TRIP11: variants seen among roughly 807,000 people sequenced by gnomAD.
The protein encoded by TRIP11 is thyroid receptor-interacting protein 11.
In TRIP11, 148 loss-of-function variants were observed where a neutral mutation model predicts 223.1. The ratio of observed to expected loss-of-function variants is 0.66; its 90% CI spans 0.58 to 0.76. The LOEUF (loss-of-function observed/expected upper bound fraction) is 0.76, where lower values mean the gene tolerates loss of function less well. Among genes scored for constraint, TRIP11 ranks in the 30% least tolerant of loss-of-function variants. TRIP11 has a pLI of 0.00. For missense variants in TRIP11, 2,043 were observed against 2,222.0 expected, an observed-to-expected ratio of 0.92 and a Z score of 1.62; for synonymous variants, 762 against 772.6, an observed-to-expected ratio of 0.99 and a Z score of 0.23.
At position 92,021,506 on chromosome 14, in the gene TRIP11, C is replaced by G. The variant is rs377187649; in HGVS notation, c.588+50G>C. ...TCTACATACAGTTTTTTATATTACA[C>G]CAGTAATTTTACTCAAAGTTTTCAA... is the stretch of plus-strand genomic sequence containing the variant. On this transcript the variant is annotated intron_variant, in intron 4 of 20. Coordinates refer to ENST00000267622, the MANE Select transcript of TRIP11 (RefSeq NM_004239.4). 112 of 1,588,430 alleles carry G rather than the reference C, an allele frequency of 7.1e-5. No homozygotes were observed. The African/African-American group carries it at 1.3e-3, about 18-fold the overall frequency.
chr14:92,004,585 C>T lies in TRIP11; in HGVS notation c.3391G>A (p.Ala1131Thr), dbSNP rs1299018959. 4 of 1,613,896 alleles carry T rather than the reference C, an allele frequency of 2.5e-6. No individual in the cohort carries two copies. The highest frequency in any genetic ancestry group is 2.7e-5 in the African/African-American group (2 of 74,944). The change falls in exon 11 of 21, where the codon GCA (alanine) becomes ACA (threonine). Residue 1131 changes from alanine (A) to threonine (T), a missense_variant. Physicochemically the swap from Ala to Thr is moderately conservative, Grantham distance 58. Transcript: ENST00000267622. The stretch of plus-strand genomic sequence containing the variant: ...TCATCTTGCAGTTTGATAAGAGCTG[C>T]TTCCTTGGCAGCAACAATATCCATC... The part of the protein sequence containing the change: ...KMMDIVAAKE[A>T]ALIKLQDENK...
rs1210483172 is a variant in TRIP11 at position 92,003,518 on chromosome 14, G to A, written c.4458C>T (p.Asn1486=). ...ETEYQALQET[N]MKFSMMLREK... is the part of the protein sequence containing the mutation. ...CTCGCAGCATCATAGAAAACTTCAT[G>A]TTAGTCTCTTGTAACGCTTGATATT... Residue 1486 remains asparagine, a synonymous_variant, in exon 11 of 21, where the codon AAC becomes AAT. Coordinates refer to ENST00000267622, the MANE Select transcript of TRIP11 (RefSeq NM_004239.4). The A allele has an allele frequency of 2.5e-6, 4 of 1,613,954 alleles. No homozygotes were observed. Among genetic ancestry groups the A allele is most frequent in the Non-Finnish European group, 2.5e-6 (3 of 1,180,000 alleles).
chr14:92,039,024 A>G (rs1434839860), intron 1 of TRIP11, among the ~76,000 whole-genome samples: 2 of 152,242 alleles, frequency 1.3e-5, no homozygotes, highest in African/African-American at 4.8e-5. Flanking sequence ...GCTATAATGT[A>G]TCATCACAAT....
rs139051961 is a variant in TRIP11 at position 92,001,556 on chromosome 14, A to C, written c.4558-1448T>G. Among the ~76,000 whole-genome samples, 965 of 152,320 alleles carry C rather than the reference A, an allele frequency of 6.3e-3. 10 individuals are homozygous for C. Among genetic ancestry groups the C allele is most frequent in the African/African-American group, 0.022 (903 of 41,554 alleles). ...AGAGTATTGGAAGAAATTAGTTTAC[A>C]CTAATTACCCTCAAGTAATACAATA... On this transcript the variant is annotated intron_variant, in intron 11 of 20. Coordinates refer to ENST00000267622, the MANE Select transcript of TRIP11 (RefSeq NM_004239.4).
intron 2 of TRIP11, chr14:92,026,537 C>T: frequency 1.6e-6 from 2 of 1,226,988 alleles, no homozygotes; most frequent in Non-Finnish European, 2.4e-6. Context: ...TTTTTAATCC[C>T]CTGCATCGGA....
At chr14:92,032,082 G>A (rs1306184143) in intron 2 of TRIP11, among the ~76,000 whole-genome samples, 1 of 152,154 alleles carries the variant, frequency 6.6e-6, no homozygotes, top group Admixed American at 6.5e-5. Flanking sequence ...TTACAGGCAT[G>A]AGCCACTGCG....
chr14:92,028,286 G>A (rs754468904), intron 2 of TRIP11, among the ~76,000 whole-genome samples: 27 of 152,288 alleles, frequency 1.8e-4, no homozygotes, highest in Non-Finnish European at 2.6e-4. Context: ...AGGGCTAGGC[G>A]TGGTGGCTCA....
In TRIP11 at chr14:92,004,934, A is replaced by T. The variant is rs1390398302; in HGVS notation, c.3042T>A (p.Ser1014=). The change falls in exon 11 of 21, where the codon TCT becomes TCA. Residue 1014 remains serine (S), a synonymous_variant. Coordinates refer to ENST00000267622, the MANE Select transcript of TRIP11 (RefSeq NM_004239.4). ...IENGSEKHDL[S]KAETERLVKG... ...TCACTAATCTTTCCGTTTCAGCTTT[A>T]GATAAATCATGCTTTTCACTTCCAT... 1 of 1,613,924 alleles carries T rather than the reference A, an allele frequency of 6.2e-7. No homozygotes were observed. Among genetic ancestry groups the T allele is most frequent in the Non-Finnish European group, 8.5e-7 (1 of 1,179,988 alleles).
intron 15 of TRIP11, among the ~76,000 whole-genome samples, chr14:91,992,284 A>G (rs2056684264): frequency 6.6e-6 from 1 of 152,076 alleles, no homozygotes; most frequent in Admixed American, 6.6e-5. Context: ...AGTAATAAAC[A>G]TAACATTTTG....
chr14:91,975,027 T>C, intron 18 of TRIP11, 145 bp downstream of exon 18: 2 of 796,342 alleles, frequency 2.5e-6, no homozygotes, highest in East Asian at 5.3e-5. Context: ...CAAATCTGCC[T>C]CTTCAATGTT....
intron 19 of TRIP11, among the ~76,000 whole-genome samples, chr14:91,973,449 T>TAA (rs1397728295): frequency 1.3e-5 from 2 of 152,220 alleles, no homozygotes; most frequent in African/African-American, 2.4e-5. Context: ...AATACTTATT[T>TAA]TTCTTGCCAT....
intron 4 of TRIP11, among the ~76,000 whole-genome samples, chr14:92,018,960 C>CAAAAAAAAAAAAAAAAAAAAAA (rs567152333): frequency 1.4e-5 from 1 of 70,902 alleles, no homozygotes; most frequent in Non-Finnish European, 2.8e-5. Context: ...GACTCCATCT[C>CAAAAAAAAAAAAAAAAAAAAAA]AAAAAAAAAA....
chr14:91,981,008 A>ATTTTTT (rs1211000138), intron 16 of TRIP11, among the ~76,000 whole-genome samples: 60 of 78,270 alleles, frequency 7.7e-4, no homozygotes, highest in African/African-American at 2.2e-3. Context: ...ATATATATAT[A>ATTTTTT]TATATTTTTT....
chr14:91,977,328 T>C (rs2056478363), intron 16 of TRIP11: 1 of 424,960 alleles, frequency 2.4e-6, no homozygotes, highest in African/African-American at 2.1e-5. Flanking sequence ...TGGTTTCATA[T>C]CTAAGAAACT....
At chr14:92,015,663 A>C in intron 6 of TRIP11, 33 bp downstream of exon 6, 1 of 1,538,302 alleles carries the variant, frequency 6.5e-7, no homozygotes, top group Non-Finnish European at 8.8e-7. Flanking sequence ...ATCTCAAAAA[A>C]AATAATAATA....
intron 4 of TRIP11, among the ~76,000 whole-genome samples, chr14:92,019,984 G>A (rs2057089168): frequency 6.6e-6 from 1 of 152,078 alleles, no homozygotes; most frequent in Non-Finnish European, 1.5e-5. Flanking sequence ...CCAAAATCTG[G>A]CCGGATGAAG....
chr14:91,993,858 T>G lies in TRIP11; in HGVS notation c.5111A>C (p.Glu1704Ala). The G allele has an allele frequency of 6.2e-7, 1 of 1,613,872 alleles. No individual in the cohort carries two copies. Among genetic ancestry groups the G allele is most frequent in the South Asian group, 1.1e-5 (1 of 91,078 alleles). Reference protein sequence around the residue: ...ELEKQKQLIAEWKKNAENLEG... With the variant: ...ELEKQKQLIAAWKKNAENLEG... ...CAGATTTTCTGCGTTTTTCTTCCATTCAGCTATAAGCTGTTTTTGCTTTTC... is the reference window on the plus strand; with the variant it reads ...CAGATTTTCTGCGTTTTTCTTCCATGCAGCTATAAGCTGTTTTTGCTTTTC... The change falls in exon 15 of 21, where the codon GAA (glutamate) becomes GCA (alanine). Residue 1704 changes from glutamate to alanine, a missense_variant. Glu to Ala is a moderately radical substitution (Grantham distance 107). Transcript: ENST00000267622.
At chr14:91,992,908 C>CAAAAAAAAAAAAA (rs550702989) in intron 15 of TRIP11, among the ~76,000 whole-genome samples, 1 of 29,234 alleles carries the variant, frequency 3.4e-5, no homozygotes, top group African/African-American at 9.6e-5. Context: ...GACTCCGTCT[C>CAAAAAAAAAAAAA]AAAAAAAAAA....
At chr14:91,998,027 AGCT>A (rs1393275306) in intron 13 of TRIP11, among the ~76,000 whole-genome samples, 2 of 152,190 alleles carry the variant, frequency 1.3e-5, no homozygotes, top group African/African-American at 4.8e-5. Context: ...CAAGTTTTCC[AGCT>A]GAGTCTGAAG....
Sources: allele counts gnomAD v4.1 joint callset (sites outside exome capture counted in the v4.1 genomes callset), GRCh38; gene constraint gnomAD v4.1.1; transcripts MANE v1.5; gene names NCBI Gene and HGNC (gene_info 2026-07-23, HGNC 2026-07-21).